PLEKHA6: variants seen among roughly 807,000 people sequenced by gnomAD.
PLEKHA6 encodes the protein pleckstrin homology domain-containing family A member 6.
Under a neutral mutation model 116.7 loss-of-function variants are expected in PLEKHA6, and 60 were observed. That is an observed-to-expected ratio of 0.51 (90% CI 0.42 to 0.64). PLEKHA6 has a LOEUF of 0.64. Among genes scored for constraint, PLEKHA6 ranks in the 30% least tolerant of loss-of-function variants. The pLI, the probability that PLEKHA6 is intolerant of heterozygous loss-of-function variation, is 0.00. For synonymous variants in PLEKHA6, 489 were observed against 556.1 expected, an observed-to-expected ratio of 0.88 and a Z score of 1.70; for missense variants, 1,338 against 1,422.7, an observed-to-expected ratio of 0.94 and a Z score of 0.96.
Position 204,257,948 on chromosome 1 carries a change from C to T in PLEKHA6, c.1008-79G>A. 7.3e-7 allele frequency: 1 copy of T among 1,361,562 alleles called. No homozygotes were observed. Among genetic ancestry groups the T allele is most frequent in the South Asian group, 1.4e-5 (1 of 72,718 alleles). The allele number at this position is 1,361,562 out of a possible 1,614,324, so 84.3% of individuals were successfully genotyped here. On this transcript the variant is annotated intron_variant, in intron 8 of 22. Transcript: ENST00000272203. This position sits in a 1 kb window ranked among gnomAD's most constrained non-coding sequence, Gnocchi z 6.5. ...CCACCCCAGCCCCACCTCCAGGTCC[C>T]CCAGCCTAGAGCAGGGTGCTTGAAT...
Position 204,230,581 on chromosome 1 carries a change from G to A in PLEKHA6, c.2415C>T (p.Arg805=), listed in dbSNP as rs775392439. ...GLTNGLSSQE[R]PKSAVFPGEG... is the part of the protein sequence containing the mutation. ...CGCCAGGAAACACAGCACTCTTGGGGCGTTCCTGCTGCCATGGGAAAACAG... is the reference window on the plus strand; with the variant it reads ...CGCCAGGAAACACAGCACTCTTGGGACGTTCCTGCTGCCATGGGAAAACAG... Residue 805 remains arginine, a synonymous_variant, in exon 18 of 23, where the codon CGC becomes CGT. Coordinates refer to ENST00000272203, the MANE Select transcript of PLEKHA6 (RefSeq NM_014935.5). 1 of 1,601,242 alleles carries A rather than the reference G, an allele frequency of 6.2e-7. No homozygotes were observed.
intron 1 of PLEKHA6, among the ~76,000 whole-genome samples, chr1:204,358,999 C>T (rs1673494063): frequency 6.6e-6 from 1 of 151,632 alleles, no homozygotes; most frequent in African/African-American, 2.4e-5. Context: ...TCCTCCTTTC[C>T]TCAGACTCCT....
chr1:204,222,802 G>A (rs1212998116), intron 22 of PLEKHA6, 23 bp from the exon 23 acceptor site: 1 of 152,974 alleles, frequency 6.5e-6, no homozygotes, highest in African/African-American at 2.4e-5. Flanking sequence ...GAAATGGAGT[G>A]AGAAGAGTGC....
chr1:204,267,954 C>T lies in PLEKHA6; in HGVS notation c.207+254G>A, dbSNP rs538887634. On this transcript the variant is annotated intron_variant, in intron 4 of 22. Transcript: ENST00000272203. The stretch of plus-strand genomic sequence containing the variant: ...GGTTGTTCCCATGGGGTTGGGGATT[C>T]AGCATGTTTCAAGGTCATTGCATCT... 3.9e-4 allele frequency among the ~76,000 whole-genome samples: 59 copies of T among 150,606 alleles called. 2 individuals carry two copies. The South Asian group carries it at 0.011, about 27-fold the overall frequency.
At chr1:204,256,798 G>A (rs1254115981) in intron 9 of PLEKHA6, 12 of 621,806 alleles carry the variant, frequency 1.9e-5, no homozygotes, top group South Asian at 1.3e-4. Context: ...GAGAAAGGAC[G>A]TACCATCTTA....
At chr1:204,354,475 A>C (rs975149917) in intron 1 of PLEKHA6, among the ~76,000 whole-genome samples, 3 of 152,234 alleles carry the variant, frequency 2.0e-5, no homozygotes, top group African/African-American at 7.2e-5. Flanking sequence ...TTTGAGTTAA[A>C]GCCTTGCCTT....
At chr1:204,265,532 T>G (rs1666690951) in intron 5 of PLEKHA6, among the ~76,000 whole-genome samples, 1 of 152,168 alleles carries the variant, frequency 6.6e-6, no homozygotes, top group African/African-American at 2.4e-5. Context: ...AAAATTGGTC[T>G]TCAAACACAA....
intron 18 of PLEKHA6, among the ~76,000 whole-genome samples, chr1:204,229,565 A>G (rs1334729428): frequency 1.3e-5 from 2 of 152,130 alleles, no homozygotes; most frequent in Non-Finnish European, 1.5e-5. Flanking sequence ...AGGTGAATCC[A>G]CCATGCCCAG....
chr1:204,270,976 C>A (rs993663690), intron 3 of PLEKHA6, among the ~76,000 whole-genome samples: 1 of 152,206 alleles, frequency 6.6e-6, no homozygotes, highest in African/African-American at 2.4e-5. Flanking sequence ...GCAGACTCCC[C>A]CACTCCACGA....
intron 17 of PLEKHA6, among the ~76,000 whole-genome samples, chr1:204,231,046 C>A (rs1218445398): frequency 1.3e-5 from 2 of 152,226 alleles, no homozygotes; most frequent in Non-Finnish European, 1.5e-5. Context: ...AGAGCATACA[C>A]TTCTACTGTT....
chr1:204,241,506 G>T, intron 16 of PLEKHA6, 25 bp from the exon 17 acceptor site: 2 of 1,510,256 alleles, frequency 1.3e-6, no homozygotes, highest in Non-Finnish European at 9.0e-7. Context: ...AGTAGCCAGT[G>T]GGCCTCATGG....
chr1:204,333,173 G>C (rs1456554527), intron 1 of PLEKHA6, among the ~76,000 whole-genome samples: 1 of 152,242 alleles, frequency 6.6e-6, no homozygotes, highest in Non-Finnish European at 1.5e-5. Context: ...CTGGCTGAGT[G>C]AACAGAGTGA....
intron 1 of PLEKHA6, among the ~76,000 whole-genome samples, chr1:204,318,924 C>T (rs988107594): frequency 6.6e-6 from 1 of 152,152 alleles, no homozygotes; most frequent in African/African-American, 2.4e-5. Context: ...GCCCGCAGTG[C>T]AGAGAGGGAA....
intron 1 of PLEKHA6, among the ~76,000 whole-genome samples, chr1:204,356,578 ATAATAT>A (rs777217410): frequency 0.017 from 2,435 of 144,594 alleles, 62 homozygotes; most frequent in African/African-American, 0.055. Context: ...AATAATAATA[ATAATAT>A]TAATAATAAT....
chr1:204,257,626 C>T lies in PLEKHA6; in HGVS notation c.1251G>A (p.Arg417=), dbSNP rs1665518038. 2 of 1,609,144 alleles carry T rather than the reference C, an allele frequency of 1.2e-6. No individual in the cohort carries two copies. Among genetic ancestry groups the T allele is most frequent in the African/African-American group, 1.3e-5 (1 of 74,966 alleles). ...REWKEPASYG[R]QDATVWIPSP... ...TTGGGATCCAGACGGTGGCATCCTG[C>T]CGCCCGTAGCTGGCGGGCTCCTTCC... Residue 417 remains arginine, a synonymous_variant, in exon 9 of 23, where the codon CGG becomes CGA. Transcript: ENST00000272203. This position sits in a 1 kb window ranked among gnomAD's most constrained non-coding sequence, Gnocchi z 6.5.
At chr1:204,315,251 G>C (rs918639290) in intron 1 of PLEKHA6, among the ~76,000 whole-genome samples, 3 of 152,088 alleles carry the variant, frequency 2.0e-5, no homozygotes, top group African/African-American at 7.2e-5. Context: ...TGACTCTCTT[G>C]CTCAGAAATC....
Position 204,250,532 on chromosome 1 carries a change from G to A in PLEKHA6, c.1593+14C>T, listed in dbSNP as rs143954119. 3,630 of 1,590,460 alleles carry A rather than the reference G, an allele frequency of 2.3e-3. 5 individuals are homozygous for A. Among genetic ancestry groups the A allele is most frequent in the Non-Finnish European group, 2.3e-3 (2,715 of 1,159,270 alleles). On this transcript the variant is annotated intron_variant, in intron 10 of 22. Coordinates refer to ENST00000272203, the MANE Select transcript of PLEKHA6 (RefSeq NM_014935.5). ...GCTGGAGTGGAGGGAGGGAGCAGGG[G>A]GCGCTGCTCTTACATCTGTGTCTTG...
intron 1 of PLEKHA6, among the ~76,000 whole-genome samples, chr1:204,283,156 C>T (rs1014125027): frequency 6.6e-6 from 1 of 152,188 alleles, no homozygotes; most frequent in African/African-American, 2.4e-5. Flanking sequence ...AGATCTGCTT[C>T]TGGTGTCCTA....
At chr1:204,224,330 T>A (rs1253954725) in intron 21 of PLEKHA6, among the ~76,000 whole-genome samples, 1 of 152,036 alleles carries the variant, frequency 6.6e-6, no homozygotes, top group Non-Finnish European at 1.5e-5. Context: ...GGACAAGCTC[T>A]ATGCAGTCTC....
Sources: allele counts gnomAD v4.1 joint callset (sites outside exome capture counted in the v4.1 genomes callset), GRCh38; gene constraint gnomAD v4.1.1; non-coding constraint Gnocchi (gnomAD v3.1); transcripts MANE v1.5; gene names NCBI Gene and HGNC (gene_info 2026-07-23, HGNC 2026-07-21).